The following FHL2 variants were observed in gnomAD, a reference collection of about 807,000 sequenced individuals.
FHL2 encodes the protein four and a half LIM domains protein 2.
Under a neutral mutation model 32.7 loss-of-function variants are expected in FHL2, and 20 were observed. That is an observed-to-expected ratio of 0.61 (90% CI 0.43 to 0.89). The LOEUF is 0.89. Among genes scored for constraint, FHL2 ranks in the 40% least tolerant of loss-of-function variants. The pLI is 0.00. For missense variants in FHL2, 311 were observed against 358.6 expected (o/e 0.87, Z 1.07); for synonymous variants, 123 against 128.1 (o/e 0.96, Z 0.27).
intron 1 of FHL2, among the ~76,000 whole-genome samples, chr2:105,424,211 G>A (rs191073333): frequency 1.7e-4 from 26 of 152,258 alleles, no homozygotes; most frequent in Non-Finnish European, 2.1e-4. Context: ...CAAAAAGTGG[G>A]CAAAGGATAT....
At chr2:105,427,486 A>G (rs1179254661) in intron 1 of FHL2, among the ~76,000 whole-genome samples, 2 of 152,166 alleles carry the variant, frequency 1.3e-5, no homozygotes, top group African/African-American at 2.4e-5. Context: ...AAGCACCTCA[A>G]TTTAGAACAA....
At chr2:105,372,461 G>A (rs1034707982) in intron 4 of FHL2, among the ~76,000 whole-genome samples, 6 of 151,948 alleles carry the variant, frequency 3.9e-5, no homozygotes, top group Admixed American at 6.5e-5. Flanking sequence ...TCCTGACCTC[G>A]TGATCCGCCC....
At chr2:105,360,301 CAA>C (rs878876756), downstream of FHL2, 189 of 101,086 alleles carry the variant, frequency 1.9e-3, no homozygotes, top group Admixed American at 5.9e-3. Context: ...GACTCTGTCT[CAA>C]AAAAAAAAAA....
chr2:105,373,875 C>T, intron 3 of FHL2, 142 bp from the exon 4 acceptor site: 1 of 683,414 alleles, frequency 1.5e-6, no homozygotes, highest in South Asian at 1.8e-5. Context: ...ATTCATGCCC[C>T]AGGACCACCT....
chr2:105,436,364 T>C (rs1684611639), intron 1 of FHL2, among the ~76,000 whole-genome samples: 1 of 152,168 alleles, frequency 6.6e-6, no homozygotes, highest in African/African-American at 2.4e-5. Context: ...TAATAAAATG[T>C]CTTATCTAAA....
chr2:105,411,033 T>A (rs1218788218), intron 1 of FHL2, among the ~76,000 whole-genome samples: 1 of 152,210 alleles, frequency 6.6e-6, no homozygotes, highest in East Asian at 1.9e-4. Flanking sequence ...TACAGCTTGC[T>A]TATTGAATCT....
At chr2:105,411,224 C>T (rs908618418) in intron 1 of FHL2, among the ~76,000 whole-genome samples, 7 of 152,142 alleles carry the variant, frequency 4.6e-5, no homozygotes, top group African/African-American at 1.4e-4. Context: ...CCCACTGCGT[C>T]CTAAACTGTA....
intron 2 of FHL2, among the ~76,000 whole-genome samples, chr2:105,394,927 G>C (rs937820700): frequency 2.6e-5 from 4 of 152,158 alleles, no homozygotes; most frequent in Non-Finnish European, 4.4e-5. Context: ...ATTATCTTTT[G>C]AATATTGAAT....
intron 1 of FHL2, chr2:105,438,386 C>A (rs962106272): frequency 1.1e-5 from 11 of 985,632 alleles, no homozygotes; most frequent in South Asian, 9.4e-5. Flanking sequence ...ACAGGGGAAC[C>A]AGTGGCCCTT....
At chr2:105,422,772 T>A (rs1222171268) in intron 1 of FHL2, among the ~76,000 whole-genome samples, 4 of 152,098 alleles carry the variant, frequency 2.6e-5, no homozygotes, top group African/African-American at 9.7e-5. Context: ...TATCAATTGA[T>A]TACTTGATTG....
At chr2:105,435,073 A>C (rs1684566756) in intron 1 of FHL2, among the ~76,000 whole-genome samples, 1 of 152,210 alleles carries the variant, frequency 6.6e-6, no homozygotes, top group Non-Finnish European at 1.5e-5. Context: ...TATCCTTCAG[A>C]ATCAATAATT....
chr2:105,436,650 A>T (rs1273592632), intron 1 of FHL2, among the ~76,000 whole-genome samples: 2 of 151,988 alleles, frequency 1.3e-5, no homozygotes, highest in Non-Finnish European at 2.9e-5. Context: ...TCATAGTGGT[A>T]TTTTTTTAAA....
intron 2 of FHL2, among the ~76,000 whole-genome samples, chr2:105,389,103 T>C (rs1284168494): frequency 6.6e-6 from 1 of 152,220 alleles, no homozygotes; most frequent in Non-Finnish European, 1.5e-5. Context: ...TACAGAATAA[T>C]TCTCTTCCAA....
chr2:105,363,100 A>G (rs551269547), intron 6 of FHL2, 185 bp downstream of exon 6: 2 of 594,468 alleles, frequency 3.4e-6, no homozygotes, highest in East Asian at 5.8e-5. Flanking sequence ...GGAAGGAATC[A>G]TTACTTGCTG....
chr2:105,412,346 A>G (rs1257286015), intron 1 of FHL2, among the ~76,000 whole-genome samples: 2 of 152,240 alleles, frequency 1.3e-5, no homozygotes, highest in African/African-American at 4.8e-5. Flanking sequence ...CCCAGAAGGC[A>G]GAGGTAGCTT....
intron 1 of FHL2, among the ~76,000 whole-genome samples, chr2:105,420,202 G>C (rs972248617): frequency 9.2e-5 from 14 of 152,222 alleles, no homozygotes; most frequent in African/African-American, 3.4e-4. Context: ...TCTGAGGGCT[G>C]TGAGGGAGCA....
At chr2:105,362,619 A>C (rs555730701) in intron 6 of FHL2, among the ~76,000 whole-genome samples, 2 of 152,340 alleles carry the variant, frequency 1.3e-5, no homozygotes, top group Non-Finnish European at 2.9e-5. Context: ...TACAGAACAC[A>C]CACTTTTCTC....
At chr2:105,400,945 A>G (rs1318826787), upstream of FHL2, among the ~76,000 whole-genome samples, 2 of 152,064 alleles carry the variant, frequency 1.3e-5, no homozygotes, top group Non-Finnish European at 2.9e-5. Context: ...CGGACTCTGG[A>G]AACAAACATA....
chr2:105,400,332 A>T (rs1345454937), upstream of FHL2, among the ~76,000 whole-genome samples: 1 of 152,156 alleles, frequency 6.6e-6, no homozygotes, highest in Non-Finnish European at 1.5e-5. Flanking sequence ...GACTTGCCAT[A>T]AGCCCAGCCA....
Sources: gnomAD v4.1 joint callset for allele counts (sites outside exome capture counted in the v4.1 genomes callset) on GRCh38, gnomAD v4.1.1 for gene constraint, MANE v1.5 for transcripts, NCBI Gene and HGNC (gene_info 2026-07-23, HGNC 2026-07-21) for gene names.